COL5A2: variants seen among roughly 807,000 people sequenced by gnomAD.
COL5A2 encodes the protein collagen alpha-2(V) chain.
A neutral mutation model predicts 208.2 loss-of-function variants in COL5A2; 23 were observed. The observed-to-expected ratio is 0.11, with a 90% CI of 0.08 to 0.16. COL5A2 has a LOEUF of 0.16. Ranked by LOEUF, COL5A2 falls within the 10% of genes least tolerant of loss-of-function variation. COL5A2 has a pLI of 1.00. For synonymous variants in COL5A2, 625 were observed against 628.5 expected (o/e 0.99, Z 0.08); for missense variants, 1,590 against 1,956.4 (o/e 0.81, Z 3.53).
chr2:189,070,397 G>T (rs1345661154), intron 18 of COL5A2, among the ~76,000 whole-genome samples: 1 of 152,146 alleles, frequency 6.6e-6, no homozygotes, highest in Non-Finnish European at 1.5e-5. Context: ...CAGAGACCAT[G>T]GCAGAACTTT....
At chr2:189,237,407 A>AG in the COL5A2 span, among the ~76,000 whole-genome samples, 1 of 151,462 alleles carries the variant, frequency 6.6e-6, no homozygotes, top group Admixed American at 6.6e-5. Context: ...TAACAGCAAA[A>AG]AAAAAGACAG....
the COL5A2 span, among the ~76,000 whole-genome samples, chr2:189,404,841 A>G: frequency 4.6e-5 from 7 of 152,364 alleles, no homozygotes; most frequent in African/African-American, 1.7e-4. Context: ...TGAGTGGTTC[A>G]GCATTTATAT....
chr2:189,403,705 G>A, the COL5A2 span, among the ~76,000 whole-genome samples: 2 of 152,198 alleles, frequency 1.3e-5, no homozygotes, highest in African/African-American at 2.4e-5. Context: ...TTCTATTTAC[G>A]TGATAAATCA....
chr2:189,155,497 T>C (rs1402661514), intron 1 of COL5A2, among the ~76,000 whole-genome samples: 1 of 152,156 alleles, frequency 6.6e-6, no homozygotes, highest in African/African-American at 2.4e-5. Context: ...CAATGTTCTA[T>C]TATCTGCATT....
the COL5A2 span, among the ~76,000 whole-genome samples, chr2:189,351,133 T>G: frequency 6.6e-6 from 1 of 152,312 alleles, no homozygotes; most frequent in East Asian, 1.9e-4. Flanking sequence ...ATGGCTAACA[T>G]GTAGATAAAC....
At chr2:189,157,499 A>G (rs1176084152) in intron 1 of COL5A2, among the ~76,000 whole-genome samples, 2 of 152,048 alleles carry the variant, frequency 1.3e-5, no homozygotes, top group South Asian at 4.1e-4. Flanking sequence ...TTACAAACAC[A>G]TAGTTCTGTT....
chr2:189,252,371 AT>A, the COL5A2 span, among the ~76,000 whole-genome samples: 1 of 152,260 alleles, frequency 6.6e-6, no homozygotes, highest in African/African-American at 2.4e-5. Flanking sequence ...CCAAATGTCC[AT>A]CAATGATAGA....
chr2:189,097,245 G>T, intron 6 of COL5A2, 32 bp downstream of exon 6: 1 of 1,609,584 alleles, frequency 6.2e-7, no homozygotes, highest in Non-Finnish European at 8.5e-7. Flanking sequence ...CTGGCTGTAC[G>T]TTCCCCACAA....
intron 1 of COL5A2, among the ~76,000 whole-genome samples, chr2:189,217,236 C>G (rs969311870): frequency 6.6e-6 from 1 of 152,134 alleles, no homozygotes; most frequent in Non-Finnish European, 1.5e-5. Context: ...GTCATAAATT[C>G]CTTTAAAAGG....
the COL5A2 span, among the ~76,000 whole-genome samples, chr2:189,391,098 AT>A: frequency 6.6e-6 from 1 of 152,138 alleles, no homozygotes; most frequent in African/African-American, 2.4e-5. Context: ...ATTTTGAAAG[AT>A]TTTTTTAAAC....
At chr2:189,068,715 T>C (rs1686206620) in intron 19 of COL5A2, 71 bp downstream of exon 19, 1 of 1,087,628 alleles carries the variant, frequency 9.2e-7, no homozygotes, top group Admixed American at 1.7e-5. Context: ...AAAAAATAGG[T>C]TGAATTTGTT....
chr2:189,252,839 A>T, the COL5A2 span, among the ~76,000 whole-genome samples: 1 of 152,220 alleles, frequency 6.6e-6, no homozygotes, highest in Non-Finnish European at 1.5e-5. Flanking sequence ...TTTGGAATCA[A>T]AGTATATTTT....
At chr2:189,219,700 T>C (rs1367217808) in intron 1 of COL5A2, among the ~76,000 whole-genome samples, 3 of 152,190 alleles carry the variant, frequency 2.0e-5, no homozygotes, top group African/African-American at 7.2e-5. Context: ...GTTTAAACTT[T>C]TTATTATAAA....
At chr2:189,293,504 G>A in the COL5A2 span, among the ~76,000 whole-genome samples, 49 of 152,140 alleles carry the variant, frequency 3.2e-4, no homozygotes, top group Admixed American at 1.2e-3. Flanking sequence ...GACTGTCTGC[G>A]TCTCCCCAGA....
chr2:189,197,988 T>C (rs1264807259), intron 1 of COL5A2, among the ~76,000 whole-genome samples: 1 of 152,046 alleles, frequency 6.6e-6, no homozygotes, highest in Admixed American at 6.5e-5. Context: ...GAACTGGGAC[T>C]ACAGGTGCCC....
chr2:189,049,655 G>A (rs1685743012), intron 43 of COL5A2, among the ~76,000 whole-genome samples: 2 of 152,138 alleles, frequency 1.3e-5, no homozygotes, highest in South Asian at 4.1e-4. Flanking sequence ...GTATCTAAGG[G>A]ACCAAAAACC....
the COL5A2 span, among the ~76,000 whole-genome samples, chr2:189,239,326 G>C: frequency 1.3e-5 from 2 of 151,912 alleles, no homozygotes; most frequent in Non-Finnish European, 2.9e-5. Flanking sequence ...CATGCCAAAA[G>C]GGACTTTGCA....
intron 1 of COL5A2, among the ~76,000 whole-genome samples, chr2:189,117,593 T>C (rs541177685): frequency 6.6e-6 from 1 of 152,096 alleles, no homozygotes; most frequent in Non-Finnish European, 1.5e-5. Context: ...CAGTAATATA[T>C]AGTATCCACA....
chr2:189,416,389 T>C, the COL5A2 span, among the ~76,000 whole-genome samples: 1 of 152,102 alleles, frequency 6.6e-6, no homozygotes, highest in Non-Finnish European at 1.5e-5. Flanking sequence ...CCATAAAAAA[T>C]GATGAGTTCA....
Sources: gnomAD v4.1 joint callset for allele counts (sites outside exome capture counted in the v4.1 genomes callset) on GRCh38, gnomAD v4.1.1 for gene constraint, MANE v1.5 for transcripts, NCBI Gene and HGNC (gene_info 2026-07-23, HGNC 2026-07-21) for gene names.